The following STEAP2 variants were observed in gnomAD, a reference collection of about 807,000 sequenced individuals.
The protein encoded by STEAP2 is metalloreductase STEAP2.
Under a neutral mutation model 46.4 loss-of-function variants are expected in STEAP2, and 30 were observed. The ratio of observed to expected loss-of-function variants is 0.65; its 90% CI spans 0.48 to 0.88. The LOEUF is 0.88. STEAP2 is among the 40% of genes least tolerant of loss of function. The pLI, the probability that STEAP2 is intolerant of heterozygous loss-of-function variation, is 0.00. For synonymous variants in STEAP2, 180 were observed against 200.5 expected (o/e 0.90, Z 0.86); for missense variants, 513 against 579.3 (o/e 0.89, Z 1.18).
At chr7:90,221,176 A>C (rs1291393422) in intron 2 of STEAP2, among the ~76,000 whole-genome samples, 1 of 151,860 alleles carries the variant, frequency 6.6e-6, no homozygotes, top group Non-Finnish European at 1.5e-5. Flanking sequence ...TTCTTTGTTA[A>C]TTTTCTGTCT....
chr7:90,230,978 A>C (rs535903224), intron 5 of STEAP2, among the ~76,000 whole-genome samples: 34 of 152,080 alleles, frequency 2.2e-4, no homozygotes, highest in Non-Finnish European at 4.3e-4. Context: ...CCCGAAAAGA[A>C]ATAGAAGGTT....
At chr7:90,221,129 G>T (rs1167167063) in intron 2 of STEAP2, among the ~76,000 whole-genome samples, 9 of 152,084 alleles carry the variant, frequency 5.9e-5, no homozygotes, top group Non-Finnish European at 4.4e-5. Flanking sequence ...ATGTTTGTTA[G>T]GTCCATTTGG....
intron 5 of STEAP2, 32 bp from the exon 6 acceptor site, chr7:90,232,301 ATTCT>A (rs1254706927): frequency 6.6e-7 from 1 of 1,514,394 alleles, no homozygotes; most frequent in Non-Finnish European, 8.8e-7. Context: ...TTTGTTTCTT[ATTCT>A]TTGTTTCTTT....
Position 90,235,979 on chromosome 7 carries a change from G to C in STEAP2, c.*3355G>C. 1 of 979,564 alleles carries C rather than the reference G, an allele frequency of 1.0e-6. No homozygotes were observed. 60.7% of individuals were successfully genotyped at this position (979,564 alleles called of 1,614,324 possible). ...AGCAGCATAACCTTGGCTTGATTAA[G>C]GAATTCTACTTTCAAAAATTAATCT... On this transcript the variant is annotated 3_prime_UTR_variant, in exon 6 of 6. Transcript: ENST00000394621.
chr7:90,224,925 C>T, intron 2 of STEAP2, 125 bp from the exon 3 acceptor site: 1 of 725,074 alleles, frequency 1.4e-6, no homozygotes, highest in South Asian at 2.3e-5. Context: ...TTGTGTCTTA[C>T]TGTGCTGTAT....
At position 90,227,084 on chromosome 7, in the gene STEAP2, A is replaced by C; in HGVS notation, c.606A>C (p.Glu202Asp). The change falls in exon 4 of 6, where the codon GAA becomes GAC. Residue 202 changes from glutamate to aspartate, a missense_variant. By Grantham distance (45) the Glu-to-Asp change is conservative. Coordinates refer to ENST00000394621, the MANE Select transcript of STEAP2 (RefSeq NM_001244944.2). ...LGSLSSAREI[E>D]NLPLRLFTLW... ...CCTTATCATCAGCCAGAGAGATTGA[A>C]AATTTACCCCTACGACTCTTTACTC... 6.2e-7 allele frequency: 1 copy of C among 1,613,802 alleles called. No individual in the cohort carries two copies. Among genetic ancestry groups the C allele is most frequent in the Non-Finnish European group, 8.5e-7 (1 of 1,179,834 alleles).
chr7:90,235,504 G>C lies in STEAP2; in HGVS notation c.*2880G>C. 1 of 985,258 alleles carries C rather than the reference G, an allele frequency of 1.0e-6. No homozygotes were observed. Among genetic ancestry groups the C allele is most frequent in the Middle Eastern group, 5.2e-4 (1 of 1,914 alleles). The allele number at this position is 985,258 out of a possible 1,614,324, so 61.0% of individuals were successfully genotyped here. The stretch of plus-strand genomic sequence containing the variant: ...TTCTACTATTGCTAGGTGTGAGAAA[G>C]TGGTGGTGAGAACCTTAGAGCAGTG... On this transcript the variant is annotated 3_prime_UTR_variant, in exon 6 of 6. Transcript: ENST00000394621.
intron 5 of STEAP2, among the ~76,000 whole-genome samples, chr7:90,231,287 A>G (rs139797183): frequency 1.6e-3 from 239 of 151,948 alleles, no homozygotes; most frequent in African/African-American, 5.4e-3. Flanking sequence ...ATATTTGCCT[A>G]TTAACCAGTG....
chr7:90,226,888 G>A (rs1795508871), intron 3 of STEAP2, 83 bp from the exon 4 acceptor site: 2 of 1,348,626 alleles, frequency 1.5e-6, no homozygotes, highest in South Asian at 2.9e-5. Context: ...CATCACAGGT[G>A]ATGGTCCGTA....
At chr7:90,238,246 G>A (rs1584258297), downstream of STEAP2, 2 of 644,058 alleles carry the variant, frequency 3.1e-6, no homozygotes, top group East Asian at 2.7e-5. Flanking sequence ...AGATCTGTCT[G>A]TGGAGGTTCT....
At chr7:90,239,789 G>C (rs947968832), downstream of STEAP2, among the ~76,000 whole-genome samples, 3 of 152,028 alleles carry the variant, frequency 2.0e-5, no homozygotes, top group Non-Finnish European at 4.4e-5. Context: ...TGCAGTTTGG[G>C]TTATTGTTAG....
chr7:90,232,400 C>T lies in STEAP2; in HGVS notation c.1249C>T (p.Arg417Ter), dbSNP rs765409310. The T allele has an allele frequency of 1.3e-5, 21 of 1,613,248 alleles. No homozygotes were observed. The highest frequency in any genetic ancestry group is 2.2e-5 in the South Asian group (2 of 90,996). Reference sequence around the variant, plus strand: ...CCATGTTTTAATTTATGGATGGAAACGAGCTTTTGAGGAAGAGTACTACAG... The same window carrying T: ...CCATGTTTTAATTTATGGATGGAAATGAGCTTTTGAGGAAGAGTACTACAG... ...TFHVLIYGWK[R>*]AFEEEYYRFY... Residue 417 changes from arginine (R) to a stop codon, truncating the protein, a stop_gained, in exon 6 of 6, where the codon CGA becomes TGA. Coordinates refer to ENST00000394621, the MANE Select transcript of STEAP2 (RefSeq NM_001244944.2). LOFTEE classifies it high-confidence loss of function.
chr7:90,238,529 A>T (rs1796019916), downstream of STEAP2, among the ~76,000 whole-genome samples: 1 of 152,208 alleles, frequency 6.6e-6, no homozygotes, highest in Non-Finnish European at 1.5e-5. Flanking sequence ...GCAATAATTC[A>T]TAAGACCTTC....
At chr7:90,216,934 A>G (rs1052154244) in intron 2 of STEAP2, among the ~76,000 whole-genome samples, 1 of 152,206 alleles carries the variant, frequency 6.6e-6, no homozygotes, top group African/African-American at 2.4e-5. Context: ...CTGCTTTAGT[A>G]GCTCATTCAG....
At chr7:90,230,718 A>G (rs903247819) in intron 5 of STEAP2, among the ~76,000 whole-genome samples, 3 of 152,004 alleles carry the variant, frequency 2.0e-5, no homozygotes, top group Admixed American at 2.0e-4. Flanking sequence ...TATAACTGAA[A>G]CATAGACCCT....
Position 90,234,781 on chromosome 7 carries a change from C to T in STEAP2, c.*2157C>T. On this transcript the variant is annotated 3_prime_UTR_variant, in exon 6 of 6. Transcript: ENST00000394621. ...TGTTAGCCAGGATGGTCTCGATCTCCTGACCTCGTGATCCGCCCGCCTTGG... is the reference window on the plus strand; with the variant it reads ...TGTTAGCCAGGATGGTCTCGATCTCTTGACCTCGTGATCCGCCCGCCTTGG... 1.4e-6 allele frequency: 1 copy of T among 700,182 alleles called. No homozygotes were observed. Among genetic ancestry groups the T allele is most frequent in the Middle Eastern group, 7.2e-4 (1 of 1,390 alleles). 43.4% of individuals were successfully genotyped at this position (700,182 alleles called of 1,614,324 possible).
intron 2 of STEAP2, among the ~76,000 whole-genome samples, chr7:90,220,962 T>C (rs1172214774): frequency 6.6e-6 from 1 of 152,198 alleles, no homozygotes; most frequent in Non-Finnish European, 1.5e-5. Flanking sequence ...GACTTCTAGT[T>C]TTATTCCATT....
At chr7:90,242,741 GC>G (rs1478945259), downstream of STEAP2, among the ~76,000 whole-genome samples, 1 of 152,148 alleles carries the variant, frequency 6.6e-6, no homozygotes, top group Non-Finnish European at 1.5e-5. Context: ...CTACTAAACT[GC>G]CCTCTAGATG....
Position 90,233,761 on chromosome 7 carries a change from C to T in STEAP2, c.*1137C>T, listed in dbSNP as rs991767439. 7.1e-6 allele frequency: 7 copies of T among 985,276 alleles called. No homozygotes were observed. The African/African-American group carries it at 1.0e-4, about 15-fold the overall frequency. 61.0% of individuals were successfully genotyped at this position (985,276 alleles called of 1,614,324 possible). On this transcript the variant is annotated 3_prime_UTR_variant, in exon 6 of 6. Coordinates refer to ENST00000394621, the MANE Select transcript of STEAP2 (RefSeq NM_001244944.2). Reference sequence around the variant, plus strand: ...AGAGGCCACGGTTTTAACCACTAGGCTCTAGAGCTCCCGCCGCGCCCCTAT... The same window carrying T: ...AGAGGCCACGGTTTTAACCACTAGGTTCTAGAGCTCCCGCCGCGCCCCTAT...
Sources: gnomAD v4.1 joint callset for allele counts (sites outside exome capture counted in the v4.1 genomes callset) on GRCh38, gnomAD v4.1.1 for gene constraint, MANE v1.5 for transcripts, NCBI Gene and HGNC (gene_info 2026-07-23, HGNC 2026-07-21) for gene names.